Variants in PLXDC2 observed in about 807,000 individuals in gnomAD.
The protein encoded by PLXDC2 is plexin domain-containing protein 2.
Under a neutral mutation model 68.9 loss-of-function variants are expected in PLXDC2, and 40 were observed. The ratio of observed to expected loss-of-function variants is 0.58; its 90% CI spans 0.45 to 0.76. The LOEUF is 0.76. Among genes scored for constraint, PLXDC2 ranks in the 30% least tolerant of loss-of-function variants. The pLI is 0.00. For missense variants in PLXDC2, 644 were observed against 661.9 expected, an observed-to-expected ratio of 0.97 and a Z score of 0.30; for synonymous variants, 243 against 234.2, an observed-to-expected ratio of 1.04 and a Z score of -0.34.
intron 7 of PLXDC2, among the ~76,000 whole-genome samples, chr10:20,169,026 T>A (rs1834411725): frequency 6.6e-6 from 1 of 152,182 alleles, no homozygotes; most frequent in African/African-American, 2.4e-5. Context: ...AATATCTGTC[T>A]AAAATGTGGT....
At chr10:19,909,526 C>A (rs1321961129) in intron 1 of PLXDC2, among the ~76,000 whole-genome samples, 1 of 152,160 alleles carries the variant, frequency 6.6e-6, no homozygotes, top group Admixed American at 6.5e-5. Context: ...ATGACCACAG[C>A]AGAAGAGAAA....
At chr10:19,983,174 A>T (rs190691285) in intron 1 of PLXDC2, among the ~76,000 whole-genome samples, 3 of 152,292 alleles carry the variant, frequency 2.0e-5, no homozygotes, top group African/African-American at 7.2e-5. Context: ...GTATTTACTG[A>T]ACGAATCACT....
chr10:19,854,596 AT>A (rs1012947565), intron 1 of PLXDC2, among the ~76,000 whole-genome samples: 5 of 151,820 alleles, frequency 3.3e-5, no homozygotes, highest in African/African-American at 7.3e-5. Context: ...CAAGACCTAG[AT>A]TTTTTTTTAC....
intron 4 of PLXDC2, among the ~76,000 whole-genome samples, chr10:20,076,903 G>C (rs1220272604): frequency 6.6e-6 from 1 of 152,152 alleles, no homozygotes; most frequent in Non-Finnish European, 1.5e-5. Context: ...ACACTGTCTG[G>C]AAACCTTACA....
chr10:20,115,974 T>C (rs1833615929), intron 4 of PLXDC2, among the ~76,000 whole-genome samples: 1 of 152,208 alleles, frequency 6.6e-6, no homozygotes, highest in Admixed American at 6.5e-5. Flanking sequence ...TTTTATTCTC[T>C]TCTTTAGCAG....
chr10:19,930,018 G>T (rs1321396981), intron 1 of PLXDC2, among the ~76,000 whole-genome samples: 2 of 151,496 alleles, frequency 1.3e-5, no homozygotes, highest in Non-Finnish European at 2.9e-5. Context: ...GCTCTCAGAA[G>T]AGCATAGATG....
chr10:19,968,626 C>A (rs571678579), intron 1 of PLXDC2, among the ~76,000 whole-genome samples: 1 of 152,220 alleles, frequency 6.6e-6, no homozygotes, highest in South Asian at 2.1e-4. Context: ...TTCTAAAAAT[C>A]TGTTTGGTTT....
At chr10:20,186,678 T>C (rs1460520546) in intron 9 of PLXDC2, among the ~76,000 whole-genome samples, 2 of 152,040 alleles carry the variant, frequency 1.3e-5, no homozygotes, top group African/African-American at 4.8e-5. Context: ...TGGTTTTCAG[T>C]TCCTCGGTTA....
chr10:20,111,163 T>C (rs1030162484), intron 4 of PLXDC2, among the ~76,000 whole-genome samples: 1 of 152,192 alleles, frequency 6.6e-6, no homozygotes, highest in Non-Finnish European at 1.5e-5. Context: ...AGAGGAATGT[T>C]CAGTTTTGTG....
chr10:20,226,604 A>C (rs750508016), intron 12 of PLXDC2, among the ~76,000 whole-genome samples: 180 of 152,364 alleles, frequency 1.2e-3, no homozygotes, highest in Non-Finnish European at 2.0e-3. Context: ...GAAAAATCAC[A>C]TCAGGATATA....
intron 1 of PLXDC2, among the ~76,000 whole-genome samples, chr10:19,920,092 A>G (rs1036472460): frequency 2.6e-5 from 4 of 152,234 alleles, no homozygotes; most frequent in Admixed American, 1.3e-4. Flanking sequence ...AGATGGGGCA[A>G]TATATCTTGT....
intron 12 of PLXDC2, among the ~76,000 whole-genome samples, chr10:20,222,294 A>G (rs1421641757): frequency 6.6e-6 from 1 of 152,170 alleles, no homozygotes; most frequent in Non-Finnish European, 1.5e-5. Flanking sequence ...ATGATTATAC[A>G]TTCAGTTTCC....
chr10:19,969,463 A>T, intron 1 of PLXDC2, among the ~76,000 whole-genome samples: 1 of 152,226 alleles, frequency 6.6e-6, no homozygotes, highest in Non-Finnish European at 1.5e-5. Context: ...AGGGAAATTG[A>T]CATATAAGAC....
intron 9 of PLXDC2, among the ~76,000 whole-genome samples, chr10:20,204,440 T>C (rs1834962945): frequency 6.6e-6 from 1 of 152,284 alleles, no homozygotes; most frequent in Middle Eastern, 3.4e-3. Context: ...TCTTTCCATT[T>C]CTTTGATTCT....
chr10:20,208,115 C>A (rs1438403356), intron 9 of PLXDC2, among the ~76,000 whole-genome samples: 2 of 151,820 alleles, frequency 1.3e-5, no homozygotes, highest in Non-Finnish European at 1.5e-5. Context: ...ATATAGATAT[C>A]TATTTAGAGT....
At chr10:19,961,451 T>A (rs1350541280) in intron 1 of PLXDC2, among the ~76,000 whole-genome samples, 1 of 152,206 alleles carries the variant, frequency 6.6e-6, no homozygotes, top group Non-Finnish European at 1.5e-5. Context: ...TAAAGAAAGC[T>A]TGTAAGAAAA....
At chr10:19,822,833 C>T (rs1197724065) in intron 1 of PLXDC2, among the ~76,000 whole-genome samples, 1 of 152,080 alleles carries the variant, frequency 6.6e-6, no homozygotes, top group Admixed American at 6.6e-5. Context: ...CAGTTATTTA[C>T]ATTAAGCCTT....
At chr10:19,950,221 C>T (rs1833969452) in intron 1 of PLXDC2, among the ~76,000 whole-genome samples, 1 of 152,244 alleles carries the variant, frequency 6.6e-6, no homozygotes, top group East Asian at 1.9e-4. Context: ...AGAAGTCAAA[C>T]TATTTTTCTT....
intron 12 of PLXDC2, among the ~76,000 whole-genome samples, chr10:20,237,505 A>G (rs747651154): frequency 9.2e-5 from 14 of 152,232 alleles, no homozygotes; most frequent in Non-Finnish European, 1.8e-4. Flanking sequence ...TAAATGAGCT[A>G]CAAAATGAGA....
Sources: gnomAD v4.1 joint callset for allele counts (sites outside exome capture counted in the v4.1 genomes callset) on GRCh38, gnomAD v4.1.1 for gene constraint, MANE v1.5 for transcripts, NCBI Gene and HGNC (gene_info 2026-07-23, HGNC 2026-07-21) for gene names.